FERMT2: variants seen among roughly 807,000 people sequenced by gnomAD.
FERMT2 encodes FERM domain containing kindlin 2, also known as fermitin family homolog 2.
FERMT2 carries 15 observed loss-of-function variants against 82.7 expected under a neutral mutation model. The observed-to-expected ratio is 0.18, with a 90% CI of 0.12 to 0.28. The LOEUF (loss-of-function observed/expected upper bound fraction) is 0.28, where lower values mean the gene tolerates loss of function less well. Among genes scored for constraint, FERMT2 ranks in the 10% least tolerant of loss-of-function variants. The probability of loss-of-function intolerance (pLI) is 1.00; values close to 1 mark genes in which losing one functional copy is unlikely to be tolerated. For missense variants in FERMT2, 645 were observed against 809.4 expected (o/e 0.80, Z 2.46); for synonymous variants, 274 against 271.5 (o/e 1.01, Z -0.09).
intron 4 of FERMT2, among the ~76,000 whole-genome samples, chr14:52,892,439 G>A (rs987385749): frequency 2.4e-4 from 32 of 133,742 alleles, no homozygotes; most frequent in Admixed American, 6.6e-4. Context: ...ACAGTACCCC[G>A]CCTGGTGCTG....
rs79534246 is a variant in FERMT2, at chr14:52,919,724, T to A, written c.158-368A>T. 6.7e-3 allele frequency among the ~76,000 whole-genome samples: 1,018 copies of A among 152,240 alleles called. 6 individuals carry two copies. The highest frequency in any genetic ancestry group is 9.2e-3 in the Admixed American group (140 of 15,288). On this transcript the variant is annotated intron_variant, in intron 2 of 14. Transcript: ENST00000341590. ...GGGCTTGGAACTCGTCCTATAGGAA[T>A]GGACAATAACATTCTGATGAGAAAC...
intron 3 of FERMT2, among the ~76,000 whole-genome samples, chr14:52,895,786 T>C (rs1307977883): frequency 6.6e-6 from 1 of 152,278 alleles, no homozygotes; most frequent in East Asian, 1.9e-4. Context: ...GTATCTATTA[T>C]ACTACAATAA....
chr14:52,875,872 T>C (rs1352152177), intron 7 of FERMT2, among the ~76,000 whole-genome samples: 4 of 152,184 alleles, frequency 2.6e-5, no homozygotes, highest in African/African-American at 9.7e-5. Flanking sequence ...ATGTTCTGTA[T>C]TCTCATATCT....
At chr14:52,950,371 C>G (rs1423456292) in intron 2 of FERMT2, 41 bp downstream of exon 2, 27 of 1,594,956 alleles carry the variant, frequency 1.7e-5, no homozygotes, top group Non-Finnish European at 2.2e-5. Context: ...CCTACCAATT[C>G]TGGGAAGTCA....
intron 3 of FERMT2, 62 bp downstream of exon 3, chr14:52,919,061 A>C: frequency 1.8e-6 from 2 of 1,136,428 alleles, no homozygotes; most frequent in South Asian, 2.8e-5. Flanking sequence ...AAGCTATGTC[A>C]GTCATCGGTC....
intron 2 of FERMT2, among the ~76,000 whole-genome samples, chr14:52,935,978 T>C (rs1369472333): frequency 6.6e-6 from 1 of 152,180 alleles, no homozygotes; most frequent in East Asian, 1.9e-4. Flanking sequence ...AGTATGCCAA[T>C]TATTAATTTC....
At chr14:52,906,026 A>G (rs780770876) in intron 3 of FERMT2, among the ~76,000 whole-genome samples, 2 of 152,232 alleles carry the variant, frequency 1.3e-5, no homozygotes, top group Non-Finnish European at 2.9e-5. Flanking sequence ...ACTTTCAGAC[A>G]TTAGGCAACA....
intron 3 of FERMT2, among the ~76,000 whole-genome samples, chr14:52,893,756 C>A (rs923681813): frequency 5.3e-5 from 8 of 151,430 alleles, no homozygotes; most frequent in Non-Finnish European, 8.8e-5. Flanking sequence ...TTCACTCATT[C>A]TGTATGTCAT....
chr14:52,899,432 G>A (rs1050059854), intron 3 of FERMT2, among the ~76,000 whole-genome samples: 1 of 152,134 alleles, frequency 6.6e-6, no homozygotes, highest in Non-Finnish European at 1.5e-5. Context: ...GCGGGCGCCC[G>A]CCACCACACC....
chr14:52,917,821 G>A (rs1390225400), intron 3 of FERMT2, among the ~76,000 whole-genome samples: 1 of 152,178 alleles, frequency 6.6e-6, no homozygotes, highest in Non-Finnish European at 1.5e-5. Context: ...ACTCCTCCAA[G>A]CTCCAAGCCT....
rs1886099141 is a variant in FERMT2, at chr14:52,878,452, T to C, written c.963+130A>G. On this transcript the variant is annotated intron_variant, in intron 7 of 14. Coordinates refer to ENST00000341590, the MANE Select transcript of FERMT2 (RefSeq NM_006832.3). ...TATTTGTTTTGCTTTCCTAAGTGTC[T>C]ACTCACTTTCTTCATGGCAAAAATT... The C allele has an allele frequency of 3.1e-5, 20 of 642,060 alleles. No individual in the cohort carries two copies. In the South Asian group the frequency reaches 3.7e-4, roughly 12 times the overall value. The allele number at this position is 642,060 out of a possible 1,614,324, so 39.8% of individuals were successfully genotyped here.
chr14:52,884,034 T>C (rs1004073288), intron 4 of FERMT2, among the ~76,000 whole-genome samples: 12 of 152,186 alleles, frequency 7.9e-5, no homozygotes, highest in Admixed American at 5.9e-4. Context: ...TATTTCCTTA[T>C]AGCAATTCAA....
At chr14:52,941,769 C>T (rs1378796109) in intron 2 of FERMT2, among the ~76,000 whole-genome samples, 1 of 152,044 alleles carries the variant, frequency 6.6e-6, no homozygotes, top group Non-Finnish European at 1.5e-5. Context: ...TTTTCATGTG[C>T]CTTTGCTATA....
chr14:52,867,327 A>T (rs974950073), intron 10 of FERMT2, among the ~76,000 whole-genome samples: 1 of 152,166 alleles, frequency 6.6e-6, no homozygotes, highest in Non-Finnish European at 1.5e-5. Context: ...GTTCTTATCA[A>T]GGTCATGAAC....
At chr14:52,873,004 A>T in intron 9 of FERMT2, 81 bp from the exon 10 acceptor site, 2 of 1,385,866 alleles carry the variant, frequency 1.4e-6, no homozygotes. Flanking sequence ...TCACAATATT[A>T]ATTTAAGTCT....
At chr14:52,876,765 G>A (rs182349225) in intron 7 of FERMT2, among the ~76,000 whole-genome samples, 47 of 152,098 alleles carry the variant, frequency 3.1e-4, no homozygotes, top group African/African-American at 1.1e-3. Flanking sequence ...AGTATACTTC[G>A]GAGTATAGGT....
chr14:52,931,237 C>G (rs942996179), intron 2 of FERMT2, among the ~76,000 whole-genome samples: 4 of 152,120 alleles, frequency 2.6e-5, no homozygotes, highest in African/African-American at 9.7e-5. Flanking sequence ...AAGTGAGAGA[C>G]ACAGACAAGT....
chr14:52,933,242 G>A (rs937684850), intron 2 of FERMT2, among the ~76,000 whole-genome samples: 1 of 151,820 alleles, frequency 6.6e-6, no homozygotes, highest in African/African-American at 2.4e-5. Flanking sequence ...CAAGTATTAC[G>A]GAGTCTATCC....
chr14:52,938,170 A>G (rs1889932946), intron 2 of FERMT2, among the ~76,000 whole-genome samples: 1 of 152,240 alleles, frequency 6.6e-6, no homozygotes, highest in Non-Finnish European at 1.5e-5. Flanking sequence ...CTTCACAACC[A>G]CTAAACAGAA....
Sources: gnomAD v4.1 joint callset for allele counts (sites outside exome capture counted in the v4.1 genomes callset) on GRCh38, gnomAD v4.1.1 for gene constraint, MANE v1.5 for transcripts, NCBI Gene and HGNC (gene_info 2026-07-23, HGNC 2026-07-21) for gene names.